The following PATJ variants were observed in gnomAD, a reference collection of about 807,000 sequenced individuals.
The protein encoded by PATJ is inaD-like protein.
PATJ carries 190 observed loss-of-function variants against 224.9 expected under a neutral mutation model. That is an observed-to-expected ratio of 0.84 (90% CI 0.75 to 0.95). The LOEUF is 0.95. Among genes scored for constraint, PATJ ranks in the 40% least tolerant of loss-of-function variants. PATJ has a pLI of 0.00. For synonymous variants in PATJ, 769 were observed against 820.3 expected (o/e 0.94, Z 1.07); for missense variants, 2,121 against 2,270.3 (o/e 0.93, Z 1.34).
At chr1:61,751,898 G>A (rs1645352174) in intron 1 of PATJ, among the ~76,000 whole-genome samples, 1 of 152,064 alleles carries the variant, frequency 6.6e-6, no homozygotes, top group East Asian at 1.9e-4. Flanking sequence ...CAGCACTTTG[G>A]GAGGCCGAGG....
chr1:61,746,842 A>C (rs1324915662), intron 1 of PATJ, among the ~76,000 whole-genome samples: 1 of 152,198 alleles, frequency 6.6e-6, no homozygotes, highest in Non-Finnish European at 1.5e-5. Context: ...ATTAGGATGT[A>C]TTTTCTTTCA....
chr1:61,883,510 A>C (rs1170365955), intron 21 of PATJ, among the ~76,000 whole-genome samples: 1 of 152,066 alleles, frequency 6.6e-6, no homozygotes, highest in African/African-American at 2.4e-5. Context: ...AGCACTTTGG[A>C]AGGCTGAGGC....
chr1:61,855,689 C>T (rs571129964), intron 17 of PATJ, among the ~76,000 whole-genome samples: 4 of 152,266 alleles, frequency 2.6e-5, no homozygotes, highest in Admixed American at 2.0e-4. Context: ...GCTGGGATTA[C>T]AGGCATGAGC....
rs192712047 is a variant in PATJ, at chr1:61,771,480, C to T, written c.574C>T (p.Pro192Ser). The change falls in exon 6 of 44, where the codon CCA becomes TCA. Residue 192 changes from proline (P) to serine (S), a missense_variant. Transcript: ENST00000642238. ...NDQILAINHT[P>S]LDQNISHQQA... ...TCAAATATTGGCCATTAATCACACG[C>T]CATTGGATCAGAACATTTCCCATCA... is the stretch of plus-strand genomic sequence containing the variant. 1.4e-5 allele frequency: 22 copies of T among 1,610,420 alleles called. No homozygotes were observed. The East Asian group carries it at 4.0e-4, about 30-fold the overall frequency.
chr1:62,033,869 C>A (rs985101592), intron 29 of PATJ, among the ~76,000 whole-genome samples: 2 of 152,138 alleles, frequency 1.3e-5, no homozygotes, highest in African/African-American at 4.8e-5. Context: ...ACACTACAAG[C>A]TGGAGATACG....
At chr1:61,837,687 G>A (rs1234924862) in intron 17 of PATJ, among the ~76,000 whole-genome samples, 2 of 151,906 alleles carry the variant, frequency 1.3e-5, no homozygotes, top group Non-Finnish European at 1.5e-5. Flanking sequence ...CTACTCAGGA[G>A]GCTGAGGCAG....
chr1:61,829,007 C>T (rs1658828805), intron 16 of PATJ, among the ~76,000 whole-genome samples: 1 of 152,186 alleles, frequency 6.6e-6, no homozygotes, highest in Admixed American at 6.5e-5. Flanking sequence ...AACTTCTTAA[C>T]ACAATGCCTT....
At chr1:61,762,574 A>G (rs550678398) in intron 1 of PATJ, among the ~76,000 whole-genome samples, 4 of 152,276 alleles carry the variant, frequency 2.6e-5, no homozygotes, top group African/African-American at 9.6e-5. Context: ...TTTATAAGAA[A>G]CTACCAATTT....
At chr1:62,084,388 A>G (rs917117396) in intron 32 of PATJ, 127 bp from the exon 33 acceptor site, 3 of 968,446 alleles carry the variant, frequency 3.1e-6, no homozygotes, top group Non-Finnish European at 1.5e-6. Flanking sequence ...TTTTTGCTTC[A>G]TGGTGTTTGG....
intron 39 of PATJ, among the ~76,000 whole-genome samples, chr1:62,124,010 T>G (rs1665408025): frequency 6.6e-6 from 1 of 152,164 alleles, no homozygotes; most frequent in Non-Finnish European, 1.5e-5. Flanking sequence ...AAGATGTATT[T>G]CATTCATAAA....
intron 33 of PATJ, among the ~76,000 whole-genome samples, chr1:62,094,003 G>A (rs2148805980): frequency 6.6e-6 from 1 of 152,250 alleles, no homozygotes; most frequent in Non-Finnish European, 1.5e-5. Context: ...ATGTATTGCT[G>A]TGATTTTATT....
At chr1:62,008,958 A>AGATAAG (rs765426297) in intron 28 of PATJ, among the ~76,000 whole-genome samples, 18 of 152,208 alleles carry the variant, frequency 1.2e-4, no homozygotes, top group Non-Finnish European at 2.6e-4. Flanking sequence ...TCAAAGATAA[A>AGATAAG]GACATGTCTA....
chr1:62,005,855 T>A (rs934114451), intron 28 of PATJ, among the ~76,000 whole-genome samples: 2 of 152,228 alleles, frequency 1.3e-5, no homozygotes, highest in African/African-American at 2.4e-5. Context: ...TCTTTAATAA[T>A]AATTTGTCAC....
chr1:61,943,092 A>G (rs72676275), intron 27 of PATJ, among the ~76,000 whole-genome samples: 21,551 of 152,258 alleles, frequency 0.14, 2,055 homozygotes, highest in Middle Eastern at 0.23. Flanking sequence ...AAGGAGTTCA[A>G]TGCTGCTACA....
intron 7 of PATJ, among the ~76,000 whole-genome samples, chr1:61,780,261 C>T (rs1011230630): frequency 3.3e-5 from 5 of 151,992 alleles, no homozygotes; most frequent in African/African-American, 9.7e-5. Context: ...GTCAGGAGTT[C>T]GAGACCAGCC....
At chr1:62,056,323 A>G (rs1367247888) in intron 31 of PATJ, among the ~76,000 whole-genome samples, 4 of 152,256 alleles carry the variant, frequency 2.6e-5, no homozygotes, top group African/African-American at 9.6e-5. Context: ...GTAGTTATAT[A>G]GTAGTATCAT....
intron 1 of PATJ, among the ~76,000 whole-genome samples, chr1:61,751,149 G>A (rs181947373): frequency 6.6e-6 from 1 of 152,030 alleles, no homozygotes; most frequent in East Asian, 1.9e-4. Flanking sequence ...TTACAGGTGT[G>A]CACAATGACA....
At chr1:62,024,516 T>C (rs954956614) in intron 29 of PATJ, among the ~76,000 whole-genome samples, 3 of 152,128 alleles carry the variant, frequency 2.0e-5, no homozygotes, top group African/African-American at 7.2e-5. Context: ...TTCACCTCTT[T>C]TGGCACTCAG....
intron 31 of PATJ, among the ~76,000 whole-genome samples, chr1:62,078,550 T>G (rs1241870532): frequency 3.9e-5 from 6 of 152,056 alleles, no homozygotes; most frequent in Non-Finnish European, 4.4e-5. Context: ...CCTCCCAAAG[T>G]GCTGGGTTTA....
Sources: gnomAD v4.1 joint callset for allele counts (sites outside exome capture counted in the v4.1 genomes callset) on GRCh38, gnomAD v4.1.1 for gene constraint, MANE v1.5 for transcripts, NCBI Gene and HGNC (gene_info 2026-07-23, HGNC 2026-07-21) for gene names.